Variants in RASGRF1 observed in about 807,000 individuals in gnomAD.
RASGRF1 encodes the protein Ras protein specific guanine nucleotide releasing factor 1, also known as ras-specific guanine nucleotide-releasing factor 1.
RASGRF1 carries 40 observed loss-of-function variants against 138.7 expected under a neutral mutation model. That is an observed-to-expected ratio of 0.29 (90% CI 0.22 to 0.38). The LOEUF (loss-of-function observed/expected upper bound fraction) is 0.38, where lower values mean the gene tolerates loss of function less well. Ranked by LOEUF, RASGRF1 falls within the 10% of genes least tolerant of loss-of-function variation. The pLI, the probability that RASGRF1 is intolerant of heterozygous loss-of-function variation, is 1.00. For missense variants in RASGRF1, 1,108 were observed against 1,650.4 expected (o/e 0.67, Z 5.69); for synonymous variants, 614 against 663.2 (o/e 0.93, Z 1.14).
rs576532997 is a variant in RASGRF1 at position 79,004,522 on chromosome 15, G to A, written c.2076-347C>T. Among the ~76,000 whole-genome samples the A allele has an allele frequency of 2.2e-4, 34 of 152,182 alleles. 1 individual carries two copies. The highest frequency in any genetic ancestry group is 5.2e-4 in the Admixed American group (8 of 15,292). ...TCCATCCCACACAGGGCCTGCTCCCGCCTACACTCTCTGGCCTCATCCTTA... is the reference window on the plus strand; with the variant it reads ...TCCATCCCACACAGGGCCTGCTCCCACCTACACTCTCTGGCCTCATCCTTA... On this transcript the variant is annotated intron_variant, in intron 14 of 26. Coordinates refer to ENST00000558480, the MANE Select transcript of RASGRF1 (RefSeq NM_001145648.3).
chr15:79,076,134 T>A (rs2057830489), intron 1 of RASGRF1, among the ~76,000 whole-genome samples: 1 of 152,206 alleles, frequency 6.6e-6, no homozygotes, highest in African/African-American at 2.4e-5. Flanking sequence ...TCCTGTGCCA[T>A]CAAGGCCATT....
Position 79,017,852 on chromosome 15 carries a change from G to C in RASGRF1, c.1661C>G (p.Pro554Arg). The change falls in exon 12 of 27, where the codon CCA becomes CGA. Residue 554 changes from proline to arginine, a missense_variant. Transcript: ENST00000558480. ...DHLDFKIGVE[P>R]KDSPPFTVIL... Reference sequence around the variant, plus strand: ...GACTGTAAAGGGCGGGGAATCCTTTGGCTCCACCCCGATTTTAAAATCCAA... The same window carrying C: ...GACTGTAAAGGGCGGGGAATCCTTTCGCTCCACCCCGATTTTAAAATCCAA... 1 of 1,613,680 alleles carries C rather than the reference G, an allele frequency of 6.2e-7. No homozygotes were observed. Among genetic ancestry groups the C allele is most frequent in the Non-Finnish European group, 8.5e-7 (1 of 1,179,838 alleles).
At chr15:79,047,023 G>C in intron 4 of RASGRF1, 24 bp from the exon 5 acceptor site, 1 of 1,601,366 alleles carries the variant, frequency 6.2e-7, no homozygotes, top group Non-Finnish European at 8.5e-7. Context: ...CCGGTGGGGA[G>C]AGGCTCCTGT....
At chr15:79,007,070 T>C (rs557386376) in intron 13 of RASGRF1, among the ~76,000 whole-genome samples, 2 of 152,290 alleles carry the variant, frequency 1.3e-5, no homozygotes, top group South Asian at 4.1e-4. Flanking sequence ...AGCCCCAAAG[T>C]GGAAACTACC....
At chr15:79,039,413 T>C (rs1452015910) in intron 5 of RASGRF1, among the ~76,000 whole-genome samples, 1 of 152,158 alleles carries the variant, frequency 6.6e-6, no homozygotes, top group Non-Finnish European at 1.5e-5. Context: ...TTTGTTATTT[T>C]ACAATATATT....
chr15:78,990,298 G>A (rs12593058), intron 21 of RASGRF1, 25 bp from the exon 22 acceptor site: 4 of 1,481,880 alleles, frequency 2.7e-6, no homozygotes, highest in Non-Finnish European at 3.8e-6. Context: ...GGGAGACCCA[G>A]GTGGAGGGGG....
chr15:78,977,575 C>T (rs545199396), intron 24 of RASGRF1, among the ~76,000 whole-genome samples: 2 of 152,304 alleles, frequency 1.3e-5, no homozygotes, highest in South Asian at 4.1e-4. Context: ...AGCCTTTGGG[C>T]TCATGACATC....
chr15:79,024,040 A>AACAC (rs372130368), intron 10 of RASGRF1, among the ~76,000 whole-genome samples: 1 of 146,322 alleles, frequency 6.8e-6, no homozygotes, highest in African/African-American at 2.5e-5. Context: ...CACACATACA[A>AACAC]ACACACACAC....
In RASGRF1 at chr15:79,090,317, C is replaced by A. The variant is rs1473538997; in HGVS notation, c.182G>T (p.Arg61Leu). ...CTCCAGCAGGTAAAGCCCCGAGGGCCGCGAGCTCGAGTCGCTCTCGAAGTA... is the reference window on the plus strand; with the variant it reads ...CTCCAGCAGGTAAAGCCCCGAGGGCAGCGAGCTCGAGTCGCTCTCGAAGTA... ...LFYFESDSSSRPSGLYLLEGC... is the reference protein window; with the variant it reads ...LFYFESDSSSLPSGLYLLEGC... Residue 61 changes from arginine to leucine, a missense_variant, in exon 1 of 27, where the codon CGG becomes CTG. By Grantham distance (102) the Arg-to-Leu change is moderately radical. This residue lies in a region of RASGRF1 where 253 missense variants were observed against 329.5 expected (regional missense o/e 0.77). Coordinates refer to ENST00000558480, the MANE Select transcript of RASGRF1 (RefSeq NM_001145648.3). 5.6e-6 allele frequency: 9 copies of A among 1,613,810 alleles called. No homozygotes were observed. The highest frequency in any genetic ancestry group is 7.6e-6 in the Non-Finnish European group (9 of 1,179,956).
At chr15:78,969,484 C>A (rs1290253732) in intron 26 of RASGRF1, among the ~76,000 whole-genome samples, 4 of 152,078 alleles carry the variant, frequency 2.6e-5, no homozygotes, top group Non-Finnish European at 4.4e-5. Flanking sequence ...GCCTGACCAA[C>A]GTGGTGAAAC....
intron 11 of RASGRF1, 28 bp downstream of exon 11, chr15:79,020,013 C>A: frequency 6.2e-7 from 1 of 1,612,476 alleles, no homozygotes; most frequent in South Asian, 1.1e-5. Flanking sequence ...CAAGCACACA[C>A]ATGCGCACAT....
rs2058042831 is a variant in RASGRF1 at position 79,090,572 on chromosome 15, C to T, written c.-74G>A. 2 of 1,558,798 alleles carry T rather than the reference C, an allele frequency of 1.3e-6. No homozygotes were observed. Among genetic ancestry groups the T allele is most frequent in the Non-Finnish European group, 1.7e-6 (2 of 1,154,536 alleles). On this transcript the variant is annotated 5_prime_UTR_variant, in exon 1 of 27. Coordinates refer to ENST00000558480, the MANE Select transcript of RASGRF1 (RefSeq NM_001145648.3). ...AGCAGCCCCCCGTCCGTGCGCGCTGCGCGCTGCCTCTCTCTGGCGCTCGCT... is the reference window on the plus strand; with the variant it reads ...AGCAGCCCCCCGTCCGTGCGCGCTGTGCGCTGCCTCTCTCTGGCGCTCGCT...
rs1292633742 is a variant in RASGRF1 at position 79,083,189 on chromosome 15, G to A, written c.276+7034C>T. 2.0e-5 allele frequency among the ~76,000 whole-genome samples: 3 copies of A among 152,222 alleles called. No individual in the cohort carries two copies. In the East Asian group the frequency reaches 5.8e-4, roughly 29 times the overall value. On this transcript the variant is annotated intron_variant, in intron 1 of 26. Transcript: ENST00000558480. ...TCCTCAGTGAAGGAGGCTGGAGGCT[G>A]GAAATGAAGGCTGCATGTGAGGGGC...
At position 79,003,967 on chromosome 15, in the gene RASGRF1, T is replaced by G; in HGVS notation, c.2284A>C (p.Asn762His). 1 of 1,614,070 alleles carries G rather than the reference T, an allele frequency of 6.2e-7. No individual in the cohort carries two copies. Among genetic ancestry groups the G allele is most frequent in the Non-Finnish European group, 8.5e-7 (1 of 1,180,000 alleles). ...TACATGCTGGTGTAGCCATTGGAGT[T>G]GCAGCTGAGGGCGGCCAGGTCCAGG... is the stretch of plus-strand genomic sequence containing the variant. ...KALDLAALSC[N>H]SNGYTSMYSA... The change falls in exon 15 of 27, where the codon AAC (asparagine) becomes CAC (histidine). Residue 762 changes from asparagine to histidine, a missense_variant. Asn to His is a moderately conservative substitution (Grantham distance 68). This residue lies in a region of RASGRF1 where 686 missense variants were observed against 976.7 expected (regional missense o/e 0.70). Coordinates refer to ENST00000558480, the MANE Select transcript of RASGRF1 (RefSeq NM_001145648.3).
At chr15:79,058,601 T>C in intron 2 of RASGRF1, 120 bp from the exon 3 acceptor site, 2 of 1,290,728 alleles carry the variant, frequency 1.5e-6, no homozygotes, top group Non-Finnish European at 2.1e-6. Flanking sequence ...AGGCCCTGAC[T>C]CCCAGCACCC....
At chr15:79,037,446 C>CTATTAT (rs564297781) in intron 5 of RASGRF1, among the ~76,000 whole-genome samples, 80 of 150,922 alleles carry the variant, frequency 5.3e-4, no homozygotes, top group Middle Eastern at 6.8e-3. Flanking sequence ...CACTTTATTT[C>CTATTAT]TATTATTATT....
intron 3 of RASGRF1, among the ~76,000 whole-genome samples, chr15:79,054,701 CAG>C (rs2057486712): frequency 6.6e-6 from 1 of 152,238 alleles, no homozygotes; most frequent in African/African-American, 2.4e-5. Flanking sequence ...AATGGACACA[CAG>C]AGTCAGTAAT....
At chr15:79,004,757 C>T (rs1369507823) in intron 14 of RASGRF1, 7 of 985,616 alleles carry the variant, frequency 7.1e-6, no homozygotes, top group Non-Finnish European at 8.4e-6. Context: ...AGGCTGGAAA[C>T]AGGTTATACA....
chr15:78,980,873 G>A (rs991892724), intron 23 of RASGRF1, 174 bp from the exon 24 acceptor site: 5 of 458,742 alleles, frequency 1.1e-5, no homozygotes, highest in African/African-American at 3.9e-5. Context: ...TCAGGAGTTG[G>A]GCACGGGTCC....
Sources: gnomAD v4.1 joint callset for allele counts (sites outside exome capture counted in the v4.1 genomes callset) on GRCh38, gnomAD v4.1.1 for gene constraint, gnomAD v4.1.1 regional missense constraint, MANE v1.5 for transcripts, NCBI Gene and HGNC (gene_info 2026-07-23, HGNC 2026-07-21) for gene names.